HPCAL1: variants seen among roughly 807,000 people sequenced by gnomAD.
The protein encoded by HPCAL1 is hippocalcin like 1.
Under a neutral mutation model 17.1 loss-of-function variants are expected in HPCAL1, and 8 were observed. The ratio of observed to expected loss-of-function variants is 0.47; its 90% confidence interval spans 0.27 to 0.84. The LOEUF (loss-of-function observed/expected upper bound fraction) is 0.84. Among genes scored for constraint, HPCAL1 ranks in the 40% least tolerant of loss-of-function variants. The pLI is 0.13. For missense variants in HPCAL1, 165 were observed against 271.1 expected, an observed-to-expected ratio of 0.61 and a Z score of 2.75; for synonymous variants, 112 against 111.4, an observed-to-expected ratio of 1.01 and a Z score of -0.03.
At chr2:10,399,427 CCACCACCACCACCATCACCAT>C (rs1669381421) in intron 2 of HPCAL1, among the ~76,000 whole-genome samples, 1 of 84,210 alleles carries the variant, frequency 1.2e-5, no homozygotes, top group Admixed American at 1.2e-4. Context: ...ACCACCATCA[CCACCACCACCACCATCACCAT>C]CACCACCACC....
rs1663053393 is a variant in HPCAL1, at chr2:10,312,559, T to C, written c.-111+9382T>C. 4.0e-5 allele frequency among the ~76,000 whole-genome samples: 6 copies of C among 149,704 alleles called. No individual in the cohort carries two copies. The South Asian group carries it at 1.3e-3, about 32-fold the overall frequency. On this transcript the variant is annotated intron_variant, in intron 1 of 4. Transcript: ENST00000307845. Reference sequence around the variant, plus strand: ...ACCACCACCATCACCATCATCACTGTCATCCCCATCCTCATCATCATCACC... The same window carrying C: ...ACCACCACCATCACCATCATCACTGCCATCCCCATCCTCATCATCATCACC...
intron 1 of HPCAL1, among the ~76,000 whole-genome samples, chr2:10,378,358 C>G (rs915074182): frequency 6.6e-6 from 1 of 151,378 alleles, no homozygotes; most frequent in South Asian, 2.1e-4. Flanking sequence ...CTTCCTGTCC[C>G]GATAAAGGAG....
At chr2:10,380,093 G>A (rs567075782) in intron 1 of HPCAL1, among the ~76,000 whole-genome samples, 39 of 152,316 alleles carry the variant, frequency 2.6e-4, no homozygotes, top group Non-Finnish European at 2.1e-4. Context: ...GAGTACCTGC[G>A]TCTCAGAGCT....
chr2:10,308,811 G>C (rs962830284), intron 1 of HPCAL1, among the ~76,000 whole-genome samples: 1 of 152,242 alleles, frequency 6.6e-6, no homozygotes, highest in Non-Finnish European at 1.5e-5. Flanking sequence ...GTCAGGTGAT[G>C]TGAGCCCTGC....
chr2:10,350,199 G>A (rs1431736435), intron 1 of HPCAL1, among the ~76,000 whole-genome samples: 2 of 152,048 alleles, frequency 1.3e-5, no homozygotes, highest in African/African-American at 2.4e-5. Context: ...GCACCTGCCC[G>A]AAGGTTCCCA....
rs1016420521 is a variant in HPCAL1 at position 10,426,575 on chromosome 2, T to C, written c.485-149T>C. ...TTTTTTTTCAGAAATGCCTGTAAAG[T>C]GAATGGAGACTAGACACCGTCCAGC... is the stretch of plus-strand genomic sequence containing the variant. On this transcript the variant is annotated intron_variant, in intron 4 of 4. Coordinates refer to ENST00000307845, the MANE Select transcript of HPCAL1 (RefSeq NM_002149.4). 12 of 687,702 alleles carry C rather than the reference T, an allele frequency of 1.7e-5. No individual in the cohort carries two copies. In the African/African-American group the frequency reaches 1.8e-4, roughly 10 times the overall value. 42.6% of individuals were successfully genotyped at this position (687,702 alleles called of 1,614,324 possible).
chr2:10,345,186 C>T (rs760280970), intron 1 of HPCAL1, among the ~76,000 whole-genome samples: 3 of 151,316 alleles, frequency 2.0e-5, no homozygotes, highest in Non-Finnish European at 4.4e-5. Context: ...TATCTCTGTG[C>T]CTGCCTGTCT....
At chr2:10,325,718 C>T (rs1268191193) in intron 1 of HPCAL1, among the ~76,000 whole-genome samples, 2 of 152,236 alleles carry the variant, frequency 1.3e-5, no homozygotes, top group African/African-American at 2.4e-5. Flanking sequence ...CGTCACAAGC[C>T]ACAGCTGCAG....
chr2:10,354,243 C>T lies in HPCAL1; in HGVS notation c.-110-42592C>T, dbSNP rs1015292167. On this transcript the variant is annotated intron_variant, in intron 1 of 4. Coordinates refer to ENST00000307845, the MANE Select transcript of HPCAL1 (RefSeq NM_002149.4). This position sits in a 1 kb window ranked among gnomAD's most constrained non-coding sequence, Gnocchi z 5.1. ...CCAGCAGAAGTCCTCTCTGTCTTCT[C>T]CAGGCGCAGCCCTTCAGCCATGCAA... 6.6e-6 allele frequency: 1 copy of T among 152,242 alleles called. No individual in the cohort carries two copies. The highest frequency in any genetic ancestry group is 2.4e-5 in the African/African-American group (1 of 41,434). The allele number at this position is 152,242 out of a possible 1,614,324, so 9.4% of individuals were successfully genotyped here. A position where few individuals can be genotyped will look rare whatever the true frequency, so the allele number is the denominator to read the frequency against.
intron 1 of HPCAL1, among the ~76,000 whole-genome samples, chr2:10,341,123 C>A (rs1665049429): frequency 6.6e-6 from 1 of 152,016 alleles, no homozygotes. Context: ...TTTCTTAAAG[C>A]CTAGGTTGAC....
At chr2:10,315,487 G>C (rs1315564015) in intron 1 of HPCAL1, among the ~76,000 whole-genome samples, 2 of 152,026 alleles carry the variant, frequency 1.3e-5, no homozygotes, top group African/African-American at 4.8e-5. Context: ...TATTATTTTT[G>C]CAATTAGACA....
At chr2:10,374,062 G>A (rs1165062618) in intron 1 of HPCAL1, among the ~76,000 whole-genome samples, 3 of 152,074 alleles carry the variant, frequency 2.0e-5, no homozygotes, top group Admixed American at 6.5e-5. Flanking sequence ...GGCCTGGCCC[G>A]GCCCGCCTGC....
intron 1 of HPCAL1, among the ~76,000 whole-genome samples, chr2:10,338,184 G>T (rs1664833437): frequency 2.0e-5 from 3 of 152,086 alleles, no homozygotes; most frequent in African/African-American, 7.3e-5. Context: ...TGGGGAGGAG[G>T]GATGGGAAGC....
At chr2:10,422,358 C>T (rs3732119) in intron 3 of HPCAL1, among the ~76,000 whole-genome samples, 29,766 of 152,174 alleles carry the variant, frequency 0.2, 3,085 homozygotes, top group African/African-American at 0.25. Flanking sequence ...GCTCAGTGGC[C>T]ACTCACCAGT....
At chr2:10,375,357 C>T (rs1280194041) in intron 1 of HPCAL1, among the ~76,000 whole-genome samples, 1 of 152,212 alleles carries the variant, frequency 6.6e-6, no homozygotes, top group African/African-American at 2.4e-5. Flanking sequence ...GAGCCCCTCC[C>T]ACCTGGACAC....
At position 10,384,022 on chromosome 2, in the gene HPCAL1, CA is replaced by C. The variant is rs1400748749; in HGVS notation, c.-110-12812del. On this transcript the variant is annotated intron_variant, in intron 1 of 4. Transcript: ENST00000307845. This position sits in a 1 kb window ranked among gnomAD's most constrained non-coding sequence, Gnocchi z 4.4. The stretch of plus-strand genomic sequence containing the variant: ...CACATGCATATACATCGCGTACACA[CA>C]CACACCCACACACACACACACCTTT... Among the ~76,000 whole-genome samples the C allele has an allele frequency of 2.4e-5, 2 of 83,424 alleles. No homozygotes were observed. Among genetic ancestry groups the C allele is most frequent in the Admixed American group, 2.7e-4 (2 of 7,408 alleles). The allele number at this position is 83,424 out of a possible 152,430, so 54.7% of individuals were successfully genotyped here. A position where few individuals can be genotyped will look rare whatever the true frequency, so the allele number is the denominator to read the frequency against.
intron 2 of HPCAL1, among the ~76,000 whole-genome samples, chr2:10,397,318 A>T (rs1572809062): frequency 6.6e-6 from 1 of 152,128 alleles, no homozygotes. Context: ...TTTGTCTTCT[A>T]TCCCCTGCAG....
chr2:10,380,044 G>C (rs1341135945), intron 1 of HPCAL1, among the ~76,000 whole-genome samples: 1 of 152,078 alleles, frequency 6.6e-6, no homozygotes, highest in Non-Finnish European at 1.5e-5. Context: ...GCAGGAATTA[G>C]AACCACTTCA....
Position 10,426,768 on chromosome 2 carries a change from C to T in HPCAL1, c.529C>T (p.Pro177Ser). 3.7e-6 allele frequency: 6 copies of T among 1,613,442 alleles called. No individual in the cohort carries two copies. The highest frequency in any genetic ancestry group is 3.3e-5 in the South Asian group (3 of 91,084). ...ATTCATCAGAGGTGCCAAGAGCGACCCCTCCATCGTCCGCCTGCTGCAGTG... is the reference window on the plus strand; with the variant it reads ...ATTCATCAGAGGTGCCAAGAGCGACTCCTCCATCGTCCGCCTGCTGCAGTG... ...EEFIRGAKSD[P>S]SIVRLLQCDP... The change falls in exon 5 of 5, where the codon CCC (proline) becomes TCC (serine). Residue 177 changes from proline (P) to serine (S), a missense_variant. Transcript: ENST00000307845.
Sources: gnomAD v4.1 joint callset for allele counts (sites outside exome capture counted in the v4.1 genomes callset) on GRCh38, gnomAD v4.1.1 for gene constraint, Gnocchi (gnomAD v3.1) non-coding constraint, MANE v1.5 for transcripts, NCBI Gene and HGNC (gene_info 2026-07-23, HGNC 2026-07-21) for gene names.